The following ZNG1A variants were observed in gnomAD, a reference collection of about 807,000 sequenced individuals.
ZNG1A encodes Zn regulated GTPase metalloprotein activator 1A.
the ZNG1A span, among the ~76,000 whole-genome samples, chr9:174,849 T>G: frequency 6.6e-6 from 1 of 150,810 alleles, no homozygotes; most frequent in Admixed American, 6.6e-5. Flanking sequence ...TAGAGCTATT[T>G]TTTTGACTAC....
the ZNG1A span, chr9:171,551 T>C: frequency 6.4e-6 from 1 of 155,586 alleles, no homozygotes; most frequent in African/African-American, 2.4e-5. Context: ...CCTGTCATGA[T>C]TCCCTTATCA....
chr9:153,984 C>G, the ZNG1A span: 1 of 152,190 alleles, frequency 6.6e-6, no homozygotes, highest in Non-Finnish European at 1.5e-5. Context: ...AACAAAGCCC[C>G]TGAACTATAA....
At chr9:169,355 T>C in the ZNG1A span, among the ~76,000 whole-genome samples, 1 of 147,356 alleles carries the variant, frequency 6.8e-6, no homozygotes, top group Middle Eastern at 3.4e-3. Flanking sequence ...AAACTTTAAC[T>C]AATGAGAAGT....
At chr9:142,818 G>T in the ZNG1A span, among the ~76,000 whole-genome samples, 1 of 130,962 alleles carries the variant, frequency 7.6e-6, no homozygotes, top group African/African-American at 3.1e-5. Flanking sequence ...AAGAAAAAAA[G>T]AGAGAAGAAT....
chr9:160,144 T>C, the ZNG1A span: 3 of 454,560 alleles, frequency 6.6e-6, no homozygotes, highest in South Asian at 1.6e-5. Context: ...TCTTTGCCTA[T>C]GATTAAAAAA....
At chr9:176,499 A>G in the ZNG1A span, among the ~76,000 whole-genome samples, 5 of 151,688 alleles carry the variant, frequency 3.3e-5, no homozygotes, top group Non-Finnish European at 5.9e-5. Context: ...TCTGAAATAC[A>G]TTAAGTTTTC....
At chr9:139,302 G>A in the ZNG1A span, among the ~76,000 whole-genome samples, 1 of 150,680 alleles carries the variant, frequency 6.6e-6, no homozygotes, top group African/African-American at 2.5e-5. Context: ...CTTGCGTCAG[G>A]TAATTAAAAT....
the ZNG1A span, among the ~76,000 whole-genome samples, chr9:141,558 G>A: frequency 1.9e-4 from 29 of 150,968 alleles, no homozygotes; most frequent in Admixed American, 4.0e-4. Flanking sequence ...ACGTGGAAAG[G>A]AACAACCGGT....
chr9:177,107 T>C, the ZNG1A span, among the ~76,000 whole-genome samples: 1 of 152,164 alleles, frequency 6.6e-6, no homozygotes, highest in African/African-American at 2.4e-5. Flanking sequence ...AGTAAAAAAG[T>C]ACCTATTCCA....
chr9:163,692 G>A, the ZNG1A span, among the ~76,000 whole-genome samples: 2 of 151,674 alleles, frequency 1.3e-5, no homozygotes, highest in Non-Finnish European at 2.9e-5. Context: ...CGAGGCTGGC[G>A]GATCACCTGA....
the ZNG1A span, chr9:160,102 G>C: frequency 5.7e-5 from 26 of 454,610 alleles, no homozygotes; most frequent in Admixed American, 3.3e-4. Context: ...CAAGTCCTCA[G>C]AATAGAGAGC....
chr9:156,161 A>C, the ZNG1A span, among the ~76,000 whole-genome samples: 1 of 144,308 alleles, frequency 6.9e-6, no homozygotes, highest in East Asian at 2.0e-4. Flanking sequence ...ATACATATAT[A>C]TATATATATA....
At chr9:136,881 G>C in the ZNG1A span, among the ~76,000 whole-genome samples, 2 of 151,786 alleles carry the variant, frequency 1.3e-5, no homozygotes, top group Non-Finnish European at 2.9e-5. Flanking sequence ...CTACAAAAAA[G>C]TAAAAATAAA....
the ZNG1A span, among the ~76,000 whole-genome samples, chr9:139,354 G>A: frequency 6.7e-6 from 1 of 148,856 alleles, no homozygotes; most frequent in African/African-American, 2.5e-5. Context: ...GGATGCCAGG[G>A]GCTATGAAGA....
chr9:161,826 G>C, the ZNG1A span, among the ~76,000 whole-genome samples: 1 of 151,788 alleles, frequency 6.6e-6, no homozygotes, highest in Non-Finnish European at 1.5e-5. Flanking sequence ...AAAAGACCAA[G>C]AAGCGATGCA....
the ZNG1A span, among the ~76,000 whole-genome samples, chr9:174,264 G>A: frequency 1.3e-5 from 2 of 151,836 alleles, no homozygotes; most frequent in Non-Finnish European, 2.9e-5. Flanking sequence ...TATTTTAAAT[G>A]TTTTACTTTT....
the ZNG1A span, chr9:163,869 A>G: frequency 2.0e-4 from 218 of 1,085,946 alleles, no homozygotes; most frequent in Non-Finnish European, 2.8e-4. Context: ...GTGAGCCGAG[A>G]TCATGCCACT....
At chr9:161,802 A>C in the ZNG1A span, 2 of 469,112 alleles carry the variant, frequency 4.3e-6, no homozygotes, top group Admixed American at 5.3e-5. Flanking sequence ...TGTCTTTTAC[A>C]CTTCATCTTA....
the ZNG1A span, chr9:172,017 T>C: frequency 6.2e-7 from 1 of 1,607,212 alleles, no homozygotes; most frequent in Non-Finnish European, 8.5e-7. Flanking sequence ...GATATTCCTC[T>C]AATACATCTA....
Sources: gnomAD v4.1 joint callset for allele counts (sites outside exome capture counted in the v4.1 genomes callset) on GRCh38, gnomAD v4.1.1 for gene constraint, MANE v1.5 for transcripts, NCBI Gene and HGNC (gene_info 2026-07-23, HGNC 2026-07-21) for gene names.